Variants in CDH8 observed in about 807,000 individuals in gnomAD.
CDH8 encodes the protein cadherin 8.
In CDH8, 17 loss-of-function variants were observed where a neutral mutation model predicts 68.1. That is an observed-to-expected ratio of 0.25 (90% CI 0.17 to 0.37). The LOEUF is 0.37. CDH8 is among the 10% of genes least tolerant of loss of function. The pLI is 1.00. For synonymous variants in CDH8, 372 were observed against 365.1 expected (o/e 1.02, Z -0.21); for missense variants, 763 against 999.3 (o/e 0.76, Z 3.19).
At chr16:61,992,507 G>A (rs1965743549) in intron 2 of CDH8, among the ~76,000 whole-genome samples, 2 of 150,492 alleles carry the variant, frequency 1.3e-5, no homozygotes, top group Admixed American at 1.3e-4. Context: ...CGAGTTAATG[G>A]GTGCAGCACA....
intron 7 of CDH8, among the ~76,000 whole-genome samples, chr16:61,790,090 T>TATAGTTA (rs1456722430): frequency 6.6e-6 from 1 of 152,086 alleles, no homozygotes; most frequent in African/African-American, 2.4e-5. Flanking sequence ...TTTTTTATTC[T>TATAGTTA]ATAGTTAATG....
intron 2 of CDH8, among the ~76,000 whole-genome samples, chr16:61,928,167 C>G (rs922967586): frequency 1.3e-5 from 2 of 152,144 alleles, no homozygotes. Context: ...TAGGGCAAAA[C>G]AAGTAGTCCC....
chr16:61,858,759 T>C (rs1024945410), intron 3 of CDH8, among the ~76,000 whole-genome samples: 1 of 152,120 alleles, frequency 6.6e-6, no homozygotes, highest in Non-Finnish European at 1.5e-5. Flanking sequence ...GCTCTAGAGA[T>C]GGCATGCCCG....
At chr16:61,662,691 T>C (rs1484755704) in intron 10 of CDH8, among the ~76,000 whole-genome samples, 2 of 151,908 alleles carry the variant, frequency 1.3e-5, no homozygotes, top group Non-Finnish European at 2.9e-5. Flanking sequence ...TATATCTATA[T>C]ATAGTAACTA....
intron 3 of CDH8, among the ~76,000 whole-genome samples, chr16:61,863,260 A>G (rs1963187075): frequency 6.6e-6 from 1 of 152,134 alleles, no homozygotes; most frequent in African/African-American, 2.4e-5. Flanking sequence ...GGCTTACAGT[A>G]TCATGTGCCT....
Position 61,653,045 on chromosome 16 carries a change from C to A in CDH8, c.*563G>T, listed in dbSNP as rs903130265. On this transcript the variant is annotated 3_prime_UTR_variant, in exon 12 of 12. Transcript: ENST00000577390. ...CTATTCAGTCTCTAGTGAGTGGGGC[C>A]AACAATTATGTACAATGTGTGGTCA... 7.2e-7 allele frequency: 1 copy of A among 1,384,058 alleles called. No homozygotes were observed. The highest frequency in any genetic ancestry group is 9.3e-7 in the Non-Finnish European group (1 of 1,070,248). The allele number at this position is 1,384,058 out of a possible 1,614,324, so 85.7% of individuals were successfully genotyped here.
chr16:61,874,625 A>G (rs1055800665), intron 3 of CDH8, among the ~76,000 whole-genome samples: 2 of 152,150 alleles, frequency 1.3e-5, no homozygotes, highest in African/African-American at 4.8e-5. Context: ...AAGTTTATTG[A>G]GATGTAATCC....
chr16:61,772,553 G>A (rs1960805232), intron 8 of CDH8, among the ~76,000 whole-genome samples: 1 of 152,022 alleles, frequency 6.6e-6, no homozygotes, highest in Admixed American at 6.6e-5. Context: ...ACAGTAAGCT[G>A]CGACACTTTT....
intron 8 of CDH8, among the ~76,000 whole-genome samples, chr16:61,738,280 C>G (rs1959760452): frequency 6.6e-6 from 1 of 152,162 alleles, no homozygotes; most frequent in South Asian, 2.1e-4. Context: ...CAAATGCTCT[C>G]TAAATGGGGA....
rs779125600 is a variant in CDH8 at position 61,713,958 on chromosome 16, C to T, written c.1537G>A (p.Val513Ile). The T allele has an allele frequency of 6.4e-7, 1 of 1,565,202 alleles. No individual in the cohort carries two copies. Among genetic ancestry groups the T allele is most frequent in the Non-Finnish European group, 8.8e-7 (1 of 1,136,412 alleles). ...FLCENGKPGQVIQTVSAMDKD... is the reference protein window; with the variant it reads ...FLCENGKPGQIIQTVSAMDKD... ...TCCATGGCGCTAACAGTTTGAATGACCTGAAACATAAAACTTGACGTCAGC... is the reference window on the plus strand; with the variant it reads ...TCCATGGCGCTAACAGTTTGAATGATCTGAAACATAAAACTTGACGTCAGC... Residue 513 changes from valine to isoleucine, a missense_variant and splice_region_variant, in exon 10 of 12, where the codon GTC becomes ATC. Val to Ile is a conservative substitution (Grantham distance 29). Coordinates refer to ENST00000577390, the MANE Select transcript of CDH8 (RefSeq NM_001796.5).
intron 3 of CDH8, among the ~76,000 whole-genome samples, chr16:61,876,011 A>G (rs11865535): frequency 0.54 from 82,017 of 151,730 alleles, 24,576 homozygotes; most frequent in African/African-American, 0.82. Context: ...TGAGCAGTGG[A>G]GACTACAGGC....
At chr16:61,993,376 A>G (rs1165768846) in intron 2 of CDH8, among the ~76,000 whole-genome samples, 2 of 151,906 alleles carry the variant, frequency 1.3e-5, no homozygotes, top group African/African-American at 4.8e-5. Flanking sequence ...CTGGAGTGTA[A>G]TGGTGTGATC....
chr16:61,899,460 A>T (rs2143250476), intron 3 of CDH8, among the ~76,000 whole-genome samples: 1 of 152,162 alleles, frequency 6.6e-6, no homozygotes, highest in African/African-American at 2.4e-5. Context: ...AGGGGTGACC[A>T]TGAAAGACAA....
At chr16:61,885,244 T>C (rs1354662781) in intron 3 of CDH8, among the ~76,000 whole-genome samples, 1 of 152,210 alleles carries the variant, frequency 6.6e-6, no homozygotes, top group African/African-American at 2.4e-5. Context: ...GGGATGGTGC[T>C]ATTGTGAATT....
In CDH8 at chr16:61,921,957, G is replaced by A. The variant is rs557249122; in HGVS notation, c.253-20484C>T. Among the ~76,000 whole-genome samples, 3 of 152,246 alleles carry A rather than the reference G, an allele frequency of 2.0e-5. No individual in the cohort carries two copies. The South Asian group carries it at 6.2e-4, about 32-fold the overall frequency. Reference sequence around the variant, plus strand: ...GAGGCAGGAGAATTGCTTGAACCCAGGAGGCGAAGATTGCAGTGAGCAGAG... The same window carrying A: ...GAGGCAGGAGAATTGCTTGAACCCAAGAGGCGAAGATTGCAGTGAGCAGAG... On this transcript the variant is annotated intron_variant, in intron 2 of 11. Transcript: ENST00000577390.
At chr16:61,849,606 C>G (rs1962898712) in intron 4 of CDH8, among the ~76,000 whole-genome samples, 1 of 152,138 alleles carries the variant, frequency 6.6e-6, no homozygotes, top group Admixed American at 6.6e-5. Flanking sequence ...ATTGGTAGAG[C>G]TACCTCATCC....
chr16:61,782,772 T>TCCCTGA (rs1483892983), intron 8 of CDH8, among the ~76,000 whole-genome samples: 5 of 152,000 alleles, frequency 3.3e-5, no homozygotes, highest in Non-Finnish European at 7.4e-5. Flanking sequence ...CTCAAGTGGG[T>TCCCTGA]CCCTGACCCC....
chr16:61,822,330 CT>C (rs1233880638), intron 5 of CDH8, among the ~76,000 whole-genome samples: 1 of 142,236 alleles, frequency 7.0e-6, no homozygotes, highest in Non-Finnish European at 1.5e-5. Context: ...CAATCAAATT[CT>C]TGTCTCAGGG....
intron 3 of CDH8, among the ~76,000 whole-genome samples, chr16:61,867,088 T>C (rs962052515): frequency 2.0e-5 from 3 of 152,166 alleles, no homozygotes; most frequent in African/African-American, 4.8e-5. Context: ...GAAAAGCCAC[T>C]GAGCCACTGA....
Sources: gnomAD v4.1 joint callset for allele counts (sites outside exome capture counted in the v4.1 genomes callset) on GRCh38, gnomAD v4.1.1 for gene constraint, MANE v1.5 for transcripts, NCBI Gene and HGNC (gene_info 2026-07-23, HGNC 2026-07-21) for gene names.